The following RERE variants were observed in gnomAD, a reference collection of about 807,000 sequenced individuals.
The protein encoded by RERE is arginine-glutamic acid dipeptide repeats protein.
A neutral mutation model predicts 146.1 loss-of-function variants in RERE; 40 were observed. The observed-to-expected ratio is 0.27, with a 90% CI of 0.21 to 0.36. The LOEUF is 0.36. Among genes scored for constraint, RERE ranks in the 10% least tolerant of loss-of-function variants. RERE has a pLI of 1.00. For synonymous variants in RERE, 1,003 were observed against 866.0 expected, an observed-to-expected ratio of 1.16 and a Z score of -2.78; for missense variants, 1,933 against 2,138.7, an observed-to-expected ratio of 0.90 and a Z score of 1.90.
chr1:8,753,746 C>T (rs1399950112), intron 1 of RERE: 1 of 152,106 alleles, frequency 6.6e-6, no homozygotes, highest in Non-Finnish European at 1.5e-5. Flanking sequence ...ATTACTTATA[C>T]CATGAAAAAG....
At chr1:8,495,944 G>A (rs1198445220) in intron 9 of RERE, among the ~76,000 whole-genome samples, 1 of 152,026 alleles carries the variant, frequency 6.6e-6, no homozygotes, top group Admixed American at 6.6e-5. Context: ...GGAGCCTGAC[G>A]CCAGAGGACT....
At chr1:8,470,640 A>G (rs993472045) in intron 10 of RERE, among the ~76,000 whole-genome samples, 2 of 152,006 alleles carry the variant, frequency 1.3e-5, no homozygotes, top group Non-Finnish European at 2.9e-5. Flanking sequence ...AACTTGGTCA[A>G]CTGGCTGTTC....
At chr1:8,405,702 G>C (rs1023900368) in intron 12 of RERE, among the ~76,000 whole-genome samples, 1 of 152,086 alleles carries the variant, frequency 6.6e-6, no homozygotes, top group African/African-American at 2.4e-5. Context: ...GCAGTGGTGC[G>C]ATCTCGGCTC....
intron 1 of RERE, among the ~76,000 whole-genome samples, chr1:8,811,021 G>A (rs1641796811): frequency 6.6e-6 from 1 of 152,204 alleles, no homozygotes; most frequent in African/African-American, 2.4e-5. Context: ...TTATGACTAT[G>A]AAGTCTCTTG....
chr1:8,358,735 G>A lies in RERE; in HGVS notation c.3800C>T (p.Pro1267Leu). The A allele has an allele frequency of 6.2e-7, 1 of 1,608,250 alleles. No individual in the cohort carries two copies. Among genetic ancestry groups the A allele is most frequent in the Non-Finnish European group, 8.5e-7 (1 of 1,176,514 alleles). The change falls in exon 20 of 23, where the codon CCC (proline) becomes CTC (leucine). Residue 1267 changes from proline (P) to leucine (L), a missense_variant. Physicochemically the swap from Pro to Leu is moderately conservative, Grantham distance 98. Transcript: ENST00000400908. ...GTAGAAGGGGTGGTTGCGGTTGGTGGGCGACATGACGTGGGGCCGGGCGTA... is the reference window on the plus strand; with the variant it reads ...GTAGAAGGGGTGGTTGCGGTTGGTGAGCGACATGACGTGGGGCCGGGCGTA... ...SEYARPHVMS[P>L]TNRNHPFYMP...
intron 12 of RERE, among the ~76,000 whole-genome samples, chr1:8,410,700 C>T (rs1462553467): frequency 6.6e-6 from 1 of 152,204 alleles, no homozygotes; most frequent in Non-Finnish European, 1.5e-5. Flanking sequence ...ATTGAAAACA[C>T]CCATCCTTCA....
chr1:8,547,261 G>C lies in RERE; in HGVS notation c.726-5943C>G, dbSNP rs541766699. Among the ~76,000 whole-genome samples the C allele has an allele frequency of 2.0e-5, 3 of 152,154 alleles. No homozygotes were observed. In the South Asian group the frequency reaches 6.2e-4, roughly 32 times the overall value. ...AGTACAAAATACATATGGAAAGCAA[G>C]ACAATGGTGACATCTCAAACCACTA... On this transcript the variant is annotated intron_variant, in intron 6 of 22. Transcript: ENST00000400908.
At chr1:8,615,785 G>GACAC (rs147492891) in intron 3 of RERE, among the ~76,000 whole-genome samples, 31 of 150,514 alleles carry the variant, frequency 2.1e-4, no homozygotes, top group Admixed American at 3.3e-4. Flanking sequence ...CCTACACATA[G>GACAC]ACACACACAC....
chr1:8,476,420 A>T (rs1644757655), intron 10 of RERE, among the ~76,000 whole-genome samples: 1 of 152,152 alleles, frequency 6.6e-6, no homozygotes, highest in African/African-American at 2.4e-5. Context: ...TGCAGTGACA[A>T]AGCAAGCACA....
chr1:8,800,654 G>C lies in RERE; in HGVS notation c.-145+16506C>G, dbSNP rs1043801777. On this transcript the variant is annotated intron_variant, in intron 1 of 22. Transcript: ENST00000400908. ...CCACCACACTCCAGCCTGAGAAAGA[G>C]AGATTCCGTCTCTAAAAAAACTTTG... Among the ~76,000 whole-genome samples, 5 of 152,104 alleles carry C rather than the reference G, an allele frequency of 3.3e-5. No homozygotes were observed. The South Asian group carries it at 1.0e-3, about 32-fold the overall frequency.
At chr1:8,431,403 C>T (rs1478933637) in intron 11 of RERE, among the ~76,000 whole-genome samples, 1 of 152,170 alleles carries the variant, frequency 6.6e-6, no homozygotes, top group African/African-American at 2.4e-5. Context: ...TTTCCATCAC[C>T]CTCAGGTGGG....
intron 4 of RERE, among the ~76,000 whole-genome samples, chr1:8,559,073 T>G (rs1646040657): frequency 6.6e-6 from 1 of 151,024 alleles, no homozygotes; most frequent in Non-Finnish European, 1.5e-5. Context: ...CTGCTGGGAT[T>G]TCAAGCATGA....
Position 8,358,825 on chromosome 1 carries a change from G to T in RERE, c.3710C>A (p.Thr1237Asn). 1 of 1,611,042 alleles carries T rather than the reference G, an allele frequency of 6.2e-7. No individual in the cohort carries two copies. The highest frequency in any genetic ancestry group is 8.5e-7 in the Non-Finnish European group (1 of 1,178,364). The change falls in exon 20 of 23, where the codon ACC (threonine) becomes AAC (asparagine). Residue 1237 changes from threonine (T) to asparagine (N), a missense_variant. Physicochemically the swap from Thr to Asn is moderately conservative, Grantham distance 65. This residue lies in a region of RERE where 1,255 missense variants were observed against 1,153.8 expected (regional missense o/e 1.09). Transcript: ENST00000400908. ...GTAGGGGGGCACAGCAGCAATGGTG[G>T]TTGGTGGTGGCTCGAAGGATGGCCG... ...HMRPSFEPPPTTIAAVPPYIG... is the reference protein window; with the variant it reads ...HMRPSFEPPPNTIAAVPPYIG...
At chr1:8,644,679 T>C (rs886562893) in intron 2 of RERE, among the ~76,000 whole-genome samples, 2 of 152,182 alleles carry the variant, frequency 1.3e-5, no homozygotes, top group African/African-American at 4.8e-5. Flanking sequence ...TTACTTCCCA[T>C]AGTTTCCTTA....
chr1:8,653,372 T>G (rs1031631609), intron 2 of RERE, among the ~76,000 whole-genome samples: 1 of 152,204 alleles, frequency 6.6e-6, no homozygotes, highest in African/African-American at 2.4e-5. Flanking sequence ...AATAAAAAAG[T>G]AAATCTTTCC....
Position 8,465,531 on chromosome 1 carries a change from T to C in RERE, c.1203+394A>G, listed in dbSNP as rs561525601. ...GCAAAACCCCCTTCTCTAAAATAAT[T>C]ATGATTAAAAAAAAGACAAGTCACC... On this transcript the variant is annotated intron_variant, in intron 11 of 22. Coordinates refer to ENST00000400908, the MANE Select transcript of RERE (RefSeq NM_001042681.2). 3 of 346,070 alleles carry C rather than the reference T, an allele frequency of 8.7e-6. No homozygotes were observed. The East Asian group carries it at 2.3e-4, about 26-fold the overall frequency. 21.4% of individuals were successfully genotyped at this position (346,070 alleles called of 1,614,324 possible). A position where few individuals can be genotyped will look rare whatever the true frequency, so the allele number is the denominator to read the frequency against.
At chr1:8,519,117 A>T (rs991275119) in intron 7 of RERE, among the ~76,000 whole-genome samples, 11 of 152,116 alleles carry the variant, frequency 7.2e-5, no homozygotes, top group African/African-American at 2.4e-4. Context: ...TGGCTGGCTC[A>T]TGTGTGTAAT....
chr1:8,540,285 G>A (rs1645783892), intron 7 of RERE, among the ~76,000 whole-genome samples: 1 of 151,980 alleles, frequency 6.6e-6, no homozygotes, highest in African/African-American at 2.4e-5. Context: ...ATTTTGTTGA[G>A]AGAAGAGGTC....
chr1:8,504,254 C>T (rs181475681), intron 8 of RERE, among the ~76,000 whole-genome samples: 38 of 151,958 alleles, frequency 2.5e-4, no homozygotes, highest in African/African-American at 7.7e-4. Context: ...CTAGGGAAGA[C>T]AATGTATAAG....
Sources: allele counts gnomAD v4.1 joint callset (sites outside exome capture counted in the v4.1 genomes callset), GRCh38; gene constraint gnomAD v4.1.1; regional missense constraint gnomAD v4.1.1; transcripts MANE v1.5; gene names NCBI Gene and HGNC (gene_info 2026-07-23, HGNC 2026-07-21).